CNTNAP2: variants seen among roughly 807,000 people sequenced by gnomAD.
CNTNAP2 encodes the protein contactin-associated protein-like 2.
A neutral mutation model predicts 155.2 loss-of-function variants in CNTNAP2; 98 were observed. The ratio of observed to expected loss-of-function variants is 0.63; its 90% CI spans 0.54 to 0.75. CNTNAP2 has a LOEUF of 0.75. Ranked by LOEUF, CNTNAP2 falls within the 30% of genes least tolerant of loss-of-function variation. The pLI, the probability that CNTNAP2 is intolerant of heterozygous loss-of-function variation, is 0.00. For missense variants in CNTNAP2, 1,727 were observed against 1,688.1 expected, an observed-to-expected ratio of 1.02 and a Z score of -0.40; for synonymous variants, 651 against 631.2, an observed-to-expected ratio of 1.03 and a Z score of -0.47.
At position 147,726,882 on chromosome 7, in the gene CNTNAP2, G is replaced by A. The variant is rs550698500; in HGVS notation, c.2098+87576G>A. 1.9e-3 allele frequency among the ~76,000 whole-genome samples: 283 copies of A among 152,066 alleles called. 1 individual carries two copies. The highest frequency in any genetic ancestry group is 3.4e-3 in the Middle Eastern group (1 of 294). The stretch of plus-strand genomic sequence containing the variant: ...GCATGTTTATATTATAATTAAATGA[G>A]CACTGGTGGTGAGCTGTAGTTTCTG... On this transcript the variant is annotated intron_variant, in intron 13 of 23. Transcript: ENST00000361727.
intron 1 of CNTNAP2, among the ~76,000 whole-genome samples, chr7:146,120,510 C>T (rs1797546072): frequency 6.6e-6 from 1 of 152,040 alleles, no homozygotes; most frequent in Admixed American, 6.6e-5. Context: ...TCTTATTAAC[C>T]TTTATGCAGT....
At chr7:146,828,500 C>T (rs2129198036) in intron 2 of CNTNAP2, among the ~76,000 whole-genome samples, 1 of 152,126 alleles carries the variant, frequency 6.6e-6, no homozygotes, top group South Asian at 2.1e-4. Flanking sequence ...TAGTGAAGAG[C>T]TCATTACTTT....
At chr7:147,220,128 T>C (rs1436402987) in intron 8 of CNTNAP2, among the ~76,000 whole-genome samples, 2 of 151,928 alleles carry the variant, frequency 1.3e-5, no homozygotes, top group East Asian at 3.9e-4. Flanking sequence ...CTCAACACTA[T>C]TGCACTGGGG....
chr7:146,506,654 C>A (rs887150167), intron 1 of CNTNAP2, among the ~76,000 whole-genome samples: 1 of 152,178 alleles, frequency 6.6e-6, no homozygotes, highest in Non-Finnish European at 1.5e-5. Context: ...GACCAACTAG[C>A]TAATTCTGTA....
At chr7:147,643,965 T>C (rs1319742454) in intron 13 of CNTNAP2, among the ~76,000 whole-genome samples, 1 of 152,252 alleles carries the variant, frequency 6.6e-6, no homozygotes, top group Non-Finnish European at 1.5e-5. Context: ...TCTCTTTTAT[T>C]ACTACAAAAC....
intron 14 of CNTNAP2, among the ~76,000 whole-genome samples, chr7:147,941,281 G>A (rs539585509): frequency 2.6e-5 from 4 of 152,282 alleles, no homozygotes; most frequent in Non-Finnish European, 4.4e-5. Flanking sequence ...TAGGAATTGC[G>A]TGTGTAGAAT....
At chr7:147,509,077 C>G (rs1402650538) in intron 11 of CNTNAP2, among the ~76,000 whole-genome samples, 1 of 152,172 alleles carries the variant, frequency 6.6e-6, no homozygotes, top group Non-Finnish European at 1.5e-5. Context: ...TGCAGGCATT[C>G]TGAGCATGCT....
chr7:148,191,145 G>A (rs1795197842), intron 18 of CNTNAP2, among the ~76,000 whole-genome samples: 1 of 152,178 alleles, frequency 6.6e-6, no homozygotes, highest in African/African-American at 2.4e-5. Flanking sequence ...GAGGCCTAAT[G>A]GGAGATGTTT....
At chr7:146,402,891 A>C (rs967556491) in intron 1 of CNTNAP2, among the ~76,000 whole-genome samples, 2 of 152,134 alleles carry the variant, frequency 1.3e-5, no homozygotes, top group Non-Finnish European at 2.9e-5. Context: ...GGATTGCATA[A>C]TTATAGTTTA....
chr7:146,704,511 A>C (rs1460272417), intron 1 of CNTNAP2, among the ~76,000 whole-genome samples: 1 of 152,164 alleles, frequency 6.6e-6, no homozygotes, highest in Non-Finnish European at 1.5e-5. Context: ...GTCAGGAAAT[A>C]GTTAATGGCA....
At chr7:146,999,979 C>CT (rs1475092979) in intron 3 of CNTNAP2, among the ~76,000 whole-genome samples, 1 of 151,420 alleles carries the variant, frequency 6.6e-6, no homozygotes, top group African/African-American at 2.4e-5. Context: ...ACTGTCATTG[C>CT]TTTTTTTTGA....
chr7:147,660,141 A>C (rs1584884530), intron 13 of CNTNAP2, among the ~76,000 whole-genome samples: 1 of 152,140 alleles, frequency 6.6e-6, no homozygotes, highest in East Asian at 1.9e-4. Context: ...CACAAGACAA[A>C]CTCCTAAAAA....
chr7:147,607,175 A>G (rs1203978821), intron 12 of CNTNAP2, among the ~76,000 whole-genome samples: 3 of 152,150 alleles, frequency 2.0e-5, no homozygotes, highest in Non-Finnish European at 4.4e-5. Context: ...GAGGAAAATT[A>G]AATACTTCCA....
chr7:146,968,965 T>G (rs1425087470), intron 3 of CNTNAP2, among the ~76,000 whole-genome samples: 3 of 148,732 alleles, frequency 2.0e-5, no homozygotes, highest in Non-Finnish European at 4.4e-5. Context: ...TAAATTTCCC[T>G]CTACACACTG....
intron 17 of CNTNAP2, among the ~76,000 whole-genome samples, chr7:148,163,934 T>C (rs541565242): frequency 2.6e-5 from 4 of 152,290 alleles, no homozygotes; most frequent in African/African-American, 9.6e-5. Context: ...TATTTTGTTT[T>C]GTTTTGTTTT....
At chr7:147,716,464 G>A (rs1796482782) in intron 13 of CNTNAP2, among the ~76,000 whole-genome samples, 2 of 152,092 alleles carry the variant, frequency 1.3e-5, no homozygotes, top group African/African-American at 2.4e-5. Context: ...CATTGGCATA[G>A]GGCGCAAATT....
chr7:146,832,498 A>G (rs1260212099), intron 2 of CNTNAP2, among the ~76,000 whole-genome samples: 2 of 148,152 alleles, frequency 1.3e-5, no homozygotes, highest in East Asian at 1.9e-4. Flanking sequence ...TAATTTATAT[A>G]TAGTGGTAAA....
intron 13 of CNTNAP2, among the ~76,000 whole-genome samples, chr7:147,696,945 G>T (rs1282714935): frequency 1.3e-5 from 2 of 152,000 alleles, no homozygotes; most frequent in African/African-American, 4.8e-5. Flanking sequence ...GATTTAATGA[G>T]GTTTGAATAT....
At chr7:146,851,036 G>A (rs576104936) in intron 3 of CNTNAP2, among the ~76,000 whole-genome samples, 4 of 152,196 alleles carry the variant, frequency 2.6e-5, no homozygotes, top group Admixed American at 6.5e-5. Flanking sequence ...CCAGGCTGGA[G>A]TGCAGTTTCC....
Sources: gnomAD v4.1 joint callset for allele counts (sites outside exome capture counted in the v4.1 genomes callset) on GRCh38, gnomAD v4.1.1 for gene constraint, MANE v1.5 for transcripts, NCBI Gene and HGNC (gene_info 2026-07-23, HGNC 2026-07-21) for gene names.